Variants in NALF1 observed in about 807,000 individuals in gnomAD.
NALF1 encodes family with sequence similarity 155 member A.
Under a neutral mutation model 48.4 loss-of-function variants are expected in NALF1, and 3 were observed. That is an observed-to-expected ratio of 0.06 (90% CI 0.03 to 0.16). The LOEUF (loss-of-function observed/expected upper bound fraction) is 0.16, where lower values mean the gene tolerates loss of function less well. Ranked by LOEUF, NALF1 falls within the 10% of genes least tolerant of loss-of-function variation. The pLI is 1.00. For synonymous variants in NALF1, 262 were observed against 245.7 expected, an observed-to-expected ratio of 1.07 and a Z score of -0.62; for missense variants, 526 against 571.5, an observed-to-expected ratio of 0.92 and a Z score of 0.81.
chr13:107,202,467 A>G (rs1216300874), intron 2 of NALF1, among the ~76,000 whole-genome samples: 1 of 151,586 alleles, frequency 6.6e-6, no homozygotes, highest in African/African-American at 2.4e-5. Context: ...ATATTCACAC[A>G]GACATTTTAG....
intron 1 of NALF1, among the ~76,000 whole-genome samples, chr13:107,684,622 T>C (rs1364857174): frequency 1.3e-5 from 2 of 152,138 alleles, no homozygotes; most frequent in East Asian, 1.9e-4. Flanking sequence ...TTTTCTAAAA[T>C]AGAATACTGA....
At chr13:107,517,077 T>G (rs1228598194) in intron 1 of NALF1, among the ~76,000 whole-genome samples, 1 of 152,202 alleles carries the variant, frequency 6.6e-6, no homozygotes, top group African/African-American at 2.4e-5. Context: ...CCTCATTATT[T>G]ATTTTCTTAT....
At chr13:107,839,896 A>G (rs1196335101) in intron 1 of NALF1, among the ~76,000 whole-genome samples, 1 of 152,174 alleles carries the variant, frequency 6.6e-6, no homozygotes, top group African/African-American at 2.4e-5. Flanking sequence ...TTAAACTTGT[A>G]TCTCCTTCCC....
At chr13:107,315,689 C>T (rs973773111) in intron 1 of NALF1, among the ~76,000 whole-genome samples, 2 of 151,882 alleles carry the variant, frequency 1.3e-5, no homozygotes, top group African/African-American at 4.8e-5. Context: ...CAGCCATGAA[C>T]ATTTTTGCAG....
intron 1 of NALF1, among the ~76,000 whole-genome samples, chr13:107,857,085 CT>C (rs1880455811): frequency 6.6e-6 from 1 of 152,220 alleles, no homozygotes; most frequent in South Asian, 2.1e-4. Context: ...CTCCCTGTGT[CT>C]TCTCTATCTC....
chr13:107,476,982 T>G (rs1420444119), intron 1 of NALF1, among the ~76,000 whole-genome samples: 1 of 152,160 alleles, frequency 6.6e-6, no homozygotes, highest in Admixed American at 6.6e-5. Context: ...AAAATTATTT[T>G]TATGCAATGC....
intron 1 of NALF1, among the ~76,000 whole-genome samples, chr13:107,685,416 G>A (rs1881411385): frequency 2.0e-5 from 3 of 152,024 alleles, no homozygotes. Context: ...GTAGGGTAGG[G>A]GAATGATGAG....
At chr13:107,213,910 G>T (rs1345962584) in intron 1 of NALF1, among the ~76,000 whole-genome samples, 1 of 152,068 alleles carries the variant, frequency 6.6e-6, no homozygotes, top group African/African-American at 2.4e-5. Context: ...TCTGAGAAAC[G>T]GCCAGGTGCC....
At chr13:107,223,318 A>T (rs187234527) in intron 1 of NALF1, among the ~76,000 whole-genome samples, 29 of 152,274 alleles carry the variant, frequency 1.9e-4, no homozygotes, top group Non-Finnish European at 3.8e-4. Flanking sequence ...GTTGAATTCA[A>T]TCAAAACAGT....
rs1245527426 is a variant in NALF1 at position 107,866,200 on chromosome 13, G to A, written c.397C>T (p.Pro133Ser). The A allele has an allele frequency of 1.2e-6, 2 of 1,600,712 alleles. No homozygotes were observed. Among genetic ancestry groups the A allele is most frequent in the African/African-American group, 1.3e-5 (1 of 74,648 alleles). ...CCGCCGCCGCCGTCTCCCGGGGAGGGGGGCAGGGTGGGGGACGAGGAGGCG... is the reference window on the plus strand; with the variant it reads ...CCGCCGCCGCCGTCTCCCGGGGAGGAGGGCAGGGTGGGGGACGAGGAGGCG... ...LSASSSPTLP[P>S]SPGDGGGGGG... The change falls in exon 1 of 3, where the codon CCC becomes TCC. Residue 133 changes from proline (P) to serine (S), a missense_variant. Around this residue, in one of 2 missense-constraint regions of NALF1, gnomAD observed 373 missense variants for 355.5 expected, o/e 1.05. Coordinates refer to ENST00000375915, the MANE Select transcript of NALF1 (RefSeq NM_001080396.3). This position sits in a 1 kb window ranked among gnomAD's most constrained non-coding sequence, Gnocchi z 4.4.
At chr13:107,280,610 A>G (rs1881367759) in intron 1 of NALF1, among the ~76,000 whole-genome samples, 3 of 152,226 alleles carry the variant, frequency 2.0e-5, no homozygotes. Context: ...TTAATGGCAA[A>G]CTATTCTTAG....
At chr13:107,334,489 C>G (rs1882521671) in intron 1 of NALF1, among the ~76,000 whole-genome samples, 1 of 152,146 alleles carries the variant, frequency 6.6e-6, no homozygotes, top group Non-Finnish European at 1.5e-5. Context: ...CACATTCTTC[C>G]AGAAGGTTCT....
chr13:107,269,673 T>A (rs1412143905), intron 1 of NALF1, among the ~76,000 whole-genome samples: 1 of 152,092 alleles, frequency 6.6e-6, no homozygotes, highest in East Asian at 1.9e-4. Flanking sequence ...CACCCAAAGA[T>A]GTAAAGTCAT....
At position 107,397,003 on chromosome 13, in the gene NALF1, G is replaced by A. The variant is rs535901194; in HGVS notation, c.916-186248C>T. 4.6e-5 allele frequency among the ~76,000 whole-genome samples: 7 copies of A among 152,272 alleles called. No homozygotes were observed. In the East Asian group the frequency reaches 1.2e-3, roughly 25 times the overall value. ...TGGCAGAGGCCAAAGGAAGCAAGAT[G>A]GCCTGGAGGCATATTTGGAGGATAG... On this transcript the variant is annotated intron_variant, in intron 1 of 2. Coordinates refer to ENST00000375915, the MANE Select transcript of NALF1 (RefSeq NM_001080396.3).
chr13:107,253,134 A>G (rs1217743056), intron 1 of NALF1, among the ~76,000 whole-genome samples: 2 of 151,530 alleles, frequency 1.3e-5, no homozygotes, highest in African/African-American at 4.8e-5. Context: ...ATTTGAATCA[A>G]TTCATACTTG....
intron 1 of NALF1, among the ~76,000 whole-genome samples, chr13:107,442,099 A>G (rs938387635): frequency 2.0e-5 from 3 of 152,124 alleles, no homozygotes; most frequent in African/African-American, 4.8e-5. Flanking sequence ...TTTGAAATAG[A>G]GCTTTAAGTG....
At chr13:107,782,662 G>T (rs868265930) in intron 1 of NALF1, among the ~76,000 whole-genome samples, 1,537 of 151,444 alleles carry the variant, frequency 0.01, 13 homozygotes, top group Middle Eastern at 0.017. Context: ...GTCTCTGCCC[G>T]GCCGGCCATC....
chr13:107,759,846 T>TC (rs1042413920), intron 1 of NALF1, among the ~76,000 whole-genome samples: 7 of 151,872 alleles, frequency 4.6e-5, no homozygotes, highest in African/African-American at 1.7e-4. Flanking sequence ...CCAAATGTTG[T>TC]CCCCCCCATC....
chr13:107,584,313 A>G (rs1878393285), intron 1 of NALF1, among the ~76,000 whole-genome samples: 1 of 152,190 alleles, frequency 6.6e-6, no homozygotes. Context: ...GGAAAGTTGG[A>G]TAGTCTAAAG....
Sources: gnomAD v4.1 joint callset for allele counts (sites outside exome capture counted in the v4.1 genomes callset) on GRCh38, gnomAD v4.1.1 for gene constraint, gnomAD v4.1.1 regional missense constraint, Gnocchi (gnomAD v3.1) non-coding constraint, MANE v1.5 for transcripts, NCBI Gene and HGNC (gene_info 2026-07-23, HGNC 2026-07-21) for gene names.